The following NTM variants were observed in gnomAD, a reference collection of about 807,000 sequenced individuals.
NTM encodes neurotrimin.
NTM carries 13 observed loss-of-function variants against 42.1 expected under a neutral mutation model. The observed-to-expected ratio is 0.31, with a 90% CI of 0.20 to 0.49. NTM has a LOEUF of 0.49. NTM is among the 20% of genes least tolerant of loss of function. The pLI is 0.99. For synonymous variants in NTM, 187 were observed against 179.2 expected (o/e 1.04, Z -0.35); for missense variants, 373 against 452.8 (o/e 0.82, Z 1.60).
intron 1 of NTM, among the ~76,000 whole-genome samples, chr11:131,706,210 T>G (rs917728761): frequency 5.9e-5 from 9 of 151,650 alleles, no homozygotes; most frequent in Non-Finnish European, 7.4e-5. Context: ...AAAATAGACT[T>G]TAAGTCAAAA....
chr11:132,057,038 G>A (rs1171920422), intron 2 of NTM, among the ~76,000 whole-genome samples: 4 of 152,164 alleles, frequency 2.6e-5, no homozygotes, highest in Non-Finnish European at 5.9e-5. Flanking sequence ...AAATGAAAGT[G>A]CTGATACCAG....
chr11:131,657,133 C>G (rs2067294121), intron 1 of NTM, among the ~76,000 whole-genome samples: 1 of 134,190 alleles, frequency 7.5e-6, no homozygotes. Context: ...TTTACAATGG[C>G]CCTATGAAGA....
In NTM at chr11:131,440,816, T is replaced by TAAAAAAAAA. The variant is rs55915027; in HGVS notation, c.82+69968_82+69976dup. On this transcript the variant is annotated intron_variant, in intron 1 of 8. Transcript: ENST00000683400. ...GTGCCACCCCTCACCACAGCCTCCATAAAAAAAAAAAAAAAAAAAAAAAAA... is the reference window on the plus strand; with the variant it reads ...GTGCCACCCCTCACCACAGCCTCCATAAAAAAAAAAAAAAAAAAAAAAAAAAAAAAAAAA... 9.1e-4 allele frequency among the ~76,000 whole-genome samples: 39 copies of TAAAAAAAAA among 42,920 alleles called. 5 individuals carry two copies. Among genetic ancestry groups the TAAAAAAAAA allele is most frequent in the African/African-American group, 1.8e-3 (17 of 9,712 alleles). The allele number at this position is 42,920 out of a possible 152,430, so 28.2% of individuals were successfully genotyped here. A position where few individuals can be genotyped will look rare whatever the true frequency, so the allele number is the denominator to read the frequency against.
chr11:132,078,190 C>T (rs1024465445), intron 2 of NTM, among the ~76,000 whole-genome samples: 1 of 152,224 alleles, frequency 6.6e-6, no homozygotes, highest in South Asian at 2.1e-4. Context: ...TCAGTTTAAT[C>T]TCTGTTTAGC....
intron 3 of NTM, among the ~76,000 whole-genome samples, chr11:132,189,653 CACACACACACACACAG>C (rs2078982219): frequency 6.6e-6 from 1 of 151,220 alleles, no homozygotes; most frequent in African/African-American, 2.4e-5. Context: ...CACACACACA[CACACACACACACACAG>C]ACACACACGA....
intron 2 of NTM, among the ~76,000 whole-genome samples, chr11:131,927,394 C>T (rs2058080407): frequency 6.6e-6 from 1 of 152,132 alleles, no homozygotes; most frequent in Admixed American, 6.5e-5. Context: ...CCTGGCCTGG[C>T]CTTGGAGCCA....
At chr11:131,869,102 C>T (rs912918679) in intron 1 of NTM, among the ~76,000 whole-genome samples, 6 of 151,750 alleles carry the variant, frequency 4.0e-5, no homozygotes, top group Admixed American at 2.6e-4. Context: ...CCCAGCCCCC[C>T]GCAATGTGCC....
intron 1 of NTM, among the ~76,000 whole-genome samples, chr11:131,750,293 C>A (rs568319392): frequency 1.3e-5 from 2 of 152,226 alleles, no homozygotes; most frequent in Non-Finnish European, 2.9e-5. Context: ...CTTGGTGTCT[C>A]CTTAGAGACT....
intron 1 of NTM, among the ~76,000 whole-genome samples, chr11:131,593,559 C>T (rs2059567259): frequency 6.6e-6 from 1 of 152,190 alleles, no homozygotes; most frequent in Non-Finnish European, 1.5e-5. Context: ...AAGTGGATGA[C>T]ACGTTACCCC....
intron 2 of NTM, among the ~76,000 whole-genome samples, chr11:132,021,703 GC>G (rs1378459094): frequency 5.9e-5 from 9 of 152,126 alleles, no homozygotes; most frequent in Admixed American, 3.9e-4. Context: ...CCCATAGGTT[GC>G]CCCCCAGGAC....
intron 2 of NTM, among the ~76,000 whole-genome samples, chr11:131,930,753 A>G (rs1156481276): frequency 2.0e-5 from 3 of 152,166 alleles, no homozygotes; most frequent in Non-Finnish European, 2.9e-5. Context: ...CATATTGTCT[A>G]GTTTTTCTTG....
chr11:131,678,879 G>A (rs958352992), intron 1 of NTM, among the ~76,000 whole-genome samples: 13 of 152,226 alleles, frequency 8.5e-5, no homozygotes, highest in African/African-American at 3.1e-4. Context: ...CATGGAGAGA[G>A]AGTGGTTCAG....
At chr11:131,373,155 TG>T (rs1941454551) in intron 1 of NTM, among the ~76,000 whole-genome samples, 1 of 152,174 alleles carries the variant, frequency 6.6e-6, no homozygotes, top group African/African-American at 2.4e-5. Context: ...AGGTGATGTC[TG>T]TTTTCTCTTT....
intron 2 of NTM, among the ~76,000 whole-genome samples, chr11:132,000,475 T>C (rs989348278): frequency 2.6e-5 from 4 of 152,216 alleles, no homozygotes; most frequent in Admixed American, 2.6e-4. Context: ...ATTTCAGCCA[T>C]GCAAATGAAT....
chr11:132,164,447 T>C (rs1395707589), intron 3 of NTM, among the ~76,000 whole-genome samples: 1 of 152,176 alleles, frequency 6.6e-6, no homozygotes, highest in East Asian at 1.9e-4. Context: ...GTCAGTAACA[T>C]CAACTTTGCG....
At chr11:131,789,252 T>G (rs942380059) in intron 1 of NTM, among the ~76,000 whole-genome samples, 1 of 151,468 alleles carries the variant, frequency 6.6e-6, no homozygotes. Flanking sequence ...AGTTATATAG[T>G]TATATAGAAA....
At chr11:131,933,174 C>G (rs866263832) in intron 2 of NTM, among the ~76,000 whole-genome samples, 13 of 152,236 alleles carry the variant, frequency 8.5e-5, no homozygotes, top group Non-Finnish European at 1.5e-4. Flanking sequence ...GACGCTGTTT[C>G]TCCTGCAAGT....
chr11:132,307,650 T>C (rs752486532), intron 4 of NTM, 39 bp from the exon 5 acceptor site: 2 of 1,610,060 alleles, frequency 1.2e-6, no homozygotes, highest in African/African-American at 2.7e-5. Context: ...GGTCTTTTTT[T>C]TCCTTGTATT....
In NTM at chr11:131,839,799, A is replaced by T. The variant is rs554079111; in HGVS notation, c.83-71765A>T. ...GTATGGAAACTGTTGTATGAAAATG[A>T]TGGGAGGTCTGACCCAGATCTGTGG... On this transcript the variant is annotated intron_variant, in intron 1 of 8. Transcript: ENST00000683400. Among the ~76,000 whole-genome samples, 4 of 152,376 alleles carry T rather than the reference A, an allele frequency of 2.6e-5. No individual in the cohort carries two copies. The South Asian group carries it at 8.3e-4, about 32-fold the overall frequency.
Sources: allele counts gnomAD v4.1 joint callset (sites outside exome capture counted in the v4.1 genomes callset), GRCh38; gene constraint gnomAD v4.1.1; transcripts MANE v1.5; gene names NCBI Gene and HGNC (gene_info 2026-07-23, HGNC 2026-07-21).